Variants in RIN2 observed in about 807,000 individuals in gnomAD.
RIN2 encodes the protein Ras and Rab interactor 2.
Under a neutral mutation model 78.0 loss-of-function variants are expected in RIN2, and 36 were observed. That is an observed-to-expected ratio of 0.46 (90% confidence interval 0.35 to 0.61). RIN2 has a LOEUF of 0.61. Ranked by LOEUF, RIN2 falls within the 20% of genes least tolerant of loss-of-function variation. RIN2 has a pLI of 0.00. For synonymous variants in RIN2, 466 were observed against 466.8 expected, an observed-to-expected ratio of 1.00 and a Z score of 0.02; for missense variants, 1,087 against 1,159.7, an observed-to-expected ratio of 0.94 and a Z score of 0.91.
rs535050359 is a variant in RIN2 at position 19,781,168 on chromosome 20, G to A, written c.-162-18454G>A. On this transcript the variant is annotated intron_variant, in intron 1 of 12. Coordinates refer to ENST00000255006, the MANE Select transcript of RIN2 (RefSeq NM_018993.4). ...CGTGACCTCACTTTAAATGCCATGA[G>A]TGAGGGTGGCATATGTCACTTCCAT... Among the ~76,000 whole-genome samples the A allele has an allele frequency of 3.3e-5, 5 of 152,310 alleles. No individual in the cohort carries two copies. In the South Asian group the frequency reaches 1.0e-3, roughly 32 times the overall value.
At chr20:19,797,420 T>C (rs1021102801) in intron 1 of RIN2, among the ~76,000 whole-genome samples, 1 of 152,240 alleles carries the variant, frequency 6.6e-6, no homozygotes, top group Admixed American at 6.5e-5. Flanking sequence ...TTTATAACTA[T>C]GTAAAAGCAA....
chr20:19,896,635 A>C (rs1452891187), intron 3 of RIN2, among the ~76,000 whole-genome samples: 1 of 152,210 alleles, frequency 6.6e-6, no homozygotes, highest in Non-Finnish European at 1.5e-5. Flanking sequence ...GCAAGTAGAG[A>C]TTTAGTCACA....
intron 2 of RIN2, among the ~76,000 whole-genome samples, chr20:19,861,746 CGATGATCACCCTCCATATCT>C (rs1568551956): frequency 2.0e-4 from 26 of 131,146 alleles, no homozygotes; most frequent in Non-Finnish European, 1.6e-4. Flanking sequence ...CCTCCATATC[CGATGATCACCCTCCATATCT>C]GATGATCACC....
At chr20:19,900,497 A>G (rs1408008873) in intron 3 of RIN2, among the ~76,000 whole-genome samples, 4 of 151,022 alleles carry the variant, frequency 2.6e-5, no homozygotes, top group Non-Finnish European at 5.9e-5. Flanking sequence ...AAAAATAAAA[A>G]CCGTCCTAAA....
chr20:19,805,649 G>T lies in RIN2; in HGVS notation c.-37+5902G>T, dbSNP rs11906456. Among the ~76,000 whole-genome samples, 1,059 of 151,956 alleles carry T rather than the reference G, an allele frequency of 7.0e-3. 10 individuals carry two copies. Among genetic ancestry groups the T allele is most frequent in the African/African-American group, 0.024 (1,009 of 41,432 alleles). On this transcript the variant is annotated intron_variant, in intron 2 of 12. Transcript: ENST00000255006. ...ACTCTTGATCTCAGATGATCTGCCC[G>T]CCTTAGCCTCCCAAAGTGCTGGGAT... is the stretch of plus-strand genomic sequence containing the variant.
intron 11 of RIN2, among the ~76,000 whole-genome samples, chr20:19,995,592 T>A (rs1322159697): frequency 6.6e-6 from 1 of 152,050 alleles, no homozygotes; most frequent in African/African-American, 2.4e-5. Context: ...CTCAAGAACA[T>A]AAGAGATCAT....
intron 2 of RIN2, among the ~76,000 whole-genome samples, chr20:19,829,138 C>T (rs556779578): frequency 5.9e-5 from 9 of 152,200 alleles, no homozygotes; most frequent in Non-Finnish European, 1.0e-4. Context: ...TATGATGGGA[C>T]GCTTTGGGTG....
At position 19,974,919 on chromosome 20, in the gene RIN2, G is replaced by A. The variant is rs372917092; in HGVS notation, c.894G>A (p.Ala298=). The change falls in exon 9 of 13, where the codon GCG becomes GCA. Residue 298 remains alanine (A), a synonymous_variant. Coordinates refer to ENST00000255006, the MANE Select transcript of RIN2 (RefSeq NM_018993.4). ...LKRPSTRTPN[A]NGTERTRSPP... is the part of the protein sequence containing the mutation. ...GGCCGAGCACAAGGACTCCCAACGC[G>A]AATGGCACGGAGCGGACTCGGTCCC... 2 of 1,613,780 alleles carry A rather than the reference G, an allele frequency of 1.2e-6. No individual in the cohort carries two copies. The highest frequency in any genetic ancestry group is 2.2e-5 in the East Asian group (1 of 44,862).
intron 3 of RIN2, among the ~76,000 whole-genome samples, chr20:19,923,998 T>G (rs2040041039): frequency 7.6e-6 from 1 of 131,980 alleles, no homozygotes; most frequent in Admixed American, 7.8e-5. Context: ...ACCCCCACCT[T>G]TATACCCCCA....
chr20:19,797,100 A>G (rs1197920182), intron 1 of RIN2, among the ~76,000 whole-genome samples: 1 of 152,158 alleles, frequency 6.6e-6, no homozygotes, highest in Admixed American at 6.5e-5. Flanking sequence ...CTGCCATTCC[A>G]CTCAGTAAGT....
intron 9 of RIN2, among the ~76,000 whole-genome samples, chr20:19,982,389 C>T (rs554150911): frequency 3.3e-5 from 5 of 152,100 alleles, no homozygotes; most frequent in East Asian, 1.9e-4. Context: ...TGTTTTTTTG[C>T]GTAGTTTGTA....
intron 1 of RIN2, among the ~76,000 whole-genome samples, chr20:19,777,670 G>A (rs78967062): frequency 0.03 from 4,584 of 152,292 alleles, 213 homozygotes; most frequent in African/African-American, 0.1. Context: ...TGGCTGAGAC[G>A]AGATCTTCCT....
chr20:19,861,942 ATCT>A (rs1304435150), intron 2 of RIN2, among the ~76,000 whole-genome samples: 3 of 151,402 alleles, frequency 2.0e-5, no homozygotes, highest in Admixed American at 2.0e-4. Context: ...ATATCTGATC[ATCT>A]TCCATATTTG....
chr20:19,899,588 A>G (rs2038891325), intron 3 of RIN2, among the ~76,000 whole-genome samples: 1 of 152,110 alleles, frequency 6.6e-6, no homozygotes, highest in Non-Finnish European at 1.5e-5. Flanking sequence ...GAGATTTGGG[A>G]GGAGTTGGTG....
At chr20:19,854,709 G>A (rs998117175) in intron 2 of RIN2, among the ~76,000 whole-genome samples, 10 of 152,194 alleles carry the variant, frequency 6.6e-5, no homozygotes, top group African/African-American at 2.4e-4. Context: ...AAGAATGCTT[G>A]TGATTTTTGC....
chr20:19,781,032 C>T (rs1220412054), intron 1 of RIN2, among the ~76,000 whole-genome samples: 3 of 152,184 alleles, frequency 2.0e-5, no homozygotes, highest in Non-Finnish European at 4.4e-5. Context: ...GGTTGGGTGG[C>T]TCTTCTCCAG....
chr20:19,759,465 G>A (rs568895644), intron 1 of RIN2, among the ~76,000 whole-genome samples: 31 of 152,196 alleles, frequency 2.0e-4, no homozygotes, highest in Non-Finnish European at 4.1e-4. Context: ...CCATCATTAA[G>A]ATAAATAGTA....
chr20:19,977,687 C>T (rs1374543923), intron 9 of RIN2, among the ~76,000 whole-genome samples: 3 of 152,126 alleles, frequency 2.0e-5, no homozygotes, highest in African/African-American at 7.2e-5. Context: ...TTGCTGAGCT[C>T]ACTGTTCTGC....
chr20:19,813,520 A>T (rs2035668196), intron 2 of RIN2, among the ~76,000 whole-genome samples: 1 of 152,328 alleles, frequency 6.6e-6, no homozygotes, highest in South Asian at 2.1e-4. Flanking sequence ...CGAGTGGGAG[A>T]AATAGATTAT....
Sources: gnomAD v4.1 joint callset for allele counts (sites outside exome capture counted in the v4.1 genomes callset) on GRCh38, gnomAD v4.1.1 for gene constraint, MANE v1.5 for transcripts, NCBI Gene and HGNC (gene_info 2026-07-23, HGNC 2026-07-21) for gene names.